HTR6: variants seen among roughly 807,000 people sequenced by gnomAD.
HTR6 encodes 5-hydroxytryptamine receptor 6, also known as 5-hydroxytryptamine (serotonin) receptor 6, G protein-coupled.
HTR6 carries 15 observed loss-of-function variants against 17.4 expected under a neutral mutation model. That is an observed-to-expected ratio of 0.86 (90% confidence interval 0.58 to 1.33). The LOEUF is 1.33. Ranked by LOEUF, HTR6 falls within the 40% of genes most tolerant of loss-of-function variation. The probability of loss-of-function intolerance (pLI) is 0.00; values close to 1 mark genes in which losing one functional copy is unlikely to be tolerated. For synonymous variants in HTR6, 326 were observed against 295.5 expected (o/e 1.10, Z -1.06); for missense variants, 578 against 616.0 (o/e 0.94, Z 0.65).
Position 19,664,921 on chromosome 1 carries a change from C to A in HTR6, c.-833C>A, listed in dbSNP as rs2095078934. On this transcript the variant is annotated 5_prime_UTR_variant, in exon 1 of 3. Coordinates refer to ENST00000289753, the MANE Select transcript of HTR6 (RefSeq NM_000871.3). The surrounding 1 kb of genome is among the most constrained non-coding windows in gnomAD (Gnocchi z 4.7). ...CGTGCGGGCCCCTCGCGGCGCCTCC[C>A]GGGCTCGGGAGACCCGGTCCCGCCG... Among the ~76,000 whole-genome samples, 1 of 149,820 alleles carries A rather than the reference C, an allele frequency of 6.7e-6. No homozygotes were observed. The highest frequency in any genetic ancestry group is 1.5e-5 in the Non-Finnish European group (1 of 67,136).
chr1:19,674,402 T>TTC (rs1329010986), intron 1 of HTR6, among the ~76,000 whole-genome samples: 110 of 148,328 alleles, frequency 7.4e-4, no homozygotes, highest in Middle Eastern at 3.6e-3. Context: ...TAAGCCACTC[T>TTC]TCTCTTTTTT....
At chr1:19,667,556 C>T (rs1028490573) in intron 1 of HTR6, among the ~76,000 whole-genome samples, 6 of 152,132 alleles carry the variant, frequency 3.9e-5, no homozygotes, top group African/African-American at 1.2e-4. Flanking sequence ...GCTGGGATTA[C>T]AGGCACCCAC....
intron 1 of HTR6, among the ~76,000 whole-genome samples, chr1:19,675,755 C>A (rs2095093650): frequency 6.6e-6 from 1 of 152,084 alleles, no homozygotes; most frequent in African/African-American, 2.4e-5. Flanking sequence ...TCCATGCCGT[C>A]TATTCCCATT....
intron 1 of HTR6, among the ~76,000 whole-genome samples, chr1:19,671,242 G>GA (rs2095087603): frequency 6.6e-6 from 1 of 152,196 alleles, no homozygotes; most frequent in African/African-American, 2.4e-5. Flanking sequence ...GTGAAAGGCT[G>GA]GAGGGGTCTT....
At chr1:19,672,223 C>G (rs1206979884) in intron 1 of HTR6, among the ~76,000 whole-genome samples, 1 of 151,984 alleles carries the variant, frequency 6.6e-6, no homozygotes, top group Non-Finnish European at 1.5e-5. Flanking sequence ...CCACTCCCAT[C>G]CATCCTTCTC....
At chr1:19,669,260 A>G (rs1479026578) in intron 1 of HTR6, among the ~76,000 whole-genome samples, 1 of 152,096 alleles carries the variant, frequency 6.6e-6, no homozygotes, top group Non-Finnish European at 1.5e-5. Flanking sequence ...CTAGGATTGA[A>G]CCTGAGTCTG....
rs2095100094 is a variant in HTR6, at chr1:19,680,179, G to C, written c.*811G>C. Among the ~76,000 whole-genome samples the C allele has an allele frequency of 6.6e-6, 1 of 152,232 alleles. No individual in the cohort carries two copies. Among genetic ancestry groups the C allele is most frequent in the African/African-American group, 2.4e-5 (1 of 41,458 alleles). On this transcript the variant is annotated 3_prime_UTR_variant, in exon 3 of 3. Transcript: ENST00000289753. Reference sequence around the variant, plus strand: ...GTTGTCTTGAGAATTAAGACAATGTGTGCCCAGCACCCAGTACACGGTCAG... The same window carrying C: ...GTTGTCTTGAGAATTAAGACAATGTCTGCCCAGCACCCAGTACACGGTCAG...
In HTR6 at chr1:19,666,184, T is replaced by C; in HGVS notation, c.431T>C (p.Leu144Pro). 6.2e-7 allele frequency: 1 copy of C among 1,610,668 alleles called. No individual in the cohort carries two copies. Residue 144 changes from leucine to proline, a missense_variant, in exon 1 of 3, where the codon CTG becomes CCG. Leu to Pro is a moderately conservative substitution (Grantham distance 98, BLOSUM62 -3). Coordinates refer to ENST00000289753, the MANE Select transcript of HTR6 (RefSeq NM_000871.3). The surrounding 1 kb of genome is among the most constrained non-coding windows in gnomAD (Gnocchi z 4.5). ...CTGCGCATGACGCCCCTGCGTGCCCTGGCCCTAGTCCTGGGCGCCTGGAGC... is the reference window on the plus strand; with the variant it reads ...CTGCGCATGACGCCCCTGCGTGCCCCGGCCCTAGTCCTGGGCGCCTGGAGC... Reference protein sequence around the residue: ...YKLRMTPLRALALVLGAWSLA... With the variant: ...YKLRMTPLRAPALVLGAWSLA...
intron 1 of HTR6, among the ~76,000 whole-genome samples, chr1:19,667,857 C>G (rs374644003): frequency 2.0e-5 from 3 of 152,296 alleles, no homozygotes; most frequent in South Asian, 4.1e-4. Context: ...TGACTTAGGT[C>G]GCAGGTCTTG....
rs1459483144 is a variant in HTR6 at position 19,666,284 on chromosome 1, T to C, written c.531T>C (p.Pro177=). 3.7e-6 allele frequency: 6 copies of C among 1,611,920 alleles called. No individual in the cohort carries two copies. The highest frequency in any genetic ancestry group is 1.6e-4 in the Middle Eastern group (1 of 6,076). The change falls in exon 1 of 3, where the codon CCT becomes CCC. Residue 177 remains proline (P), a synonymous_variant. Transcript: ENST00000289753. This position sits in a 1 kb window ranked among gnomAD's most constrained non-coding sequence, Gnocchi z 4.5. The part of the protein sequence containing the change: ...HELGHARPPV[P]GQCRLLASLP... ...TGGGCCACGCACGGCCACCCGTCCCTGGCCAGTGCCGCCTGCTGGCCAGCC... is the reference window on the plus strand; with the variant it reads ...TGGGCCACGCACGGCCACCCGTCCCCGGCCAGTGCCGCCTGCTGGCCAGCC...
chr1:19,667,283 C>T (rs2095082718), intron 1 of HTR6, among the ~76,000 whole-genome samples: 1 of 152,164 alleles, frequency 6.6e-6, no homozygotes, highest in South Asian at 2.1e-4. Flanking sequence ...GGCCCATCTG[C>T]ACTCTCCATC....
rs1177573342 is a variant in HTR6 at position 19,680,485 on chromosome 1, A to T, written c.*1117A>T. Among the ~76,000 whole-genome samples, 2 of 152,212 alleles carry T rather than the reference A, an allele frequency of 1.3e-5. No homozygotes were observed. Among genetic ancestry groups the T allele is most frequent in the Non-Finnish European group, 2.9e-5 (2 of 68,044 alleles). On this transcript the variant is annotated 3_prime_UTR_variant, in exon 3 of 3. Coordinates refer to ENST00000289753, the MANE Select transcript of HTR6 (RefSeq NM_000871.3). ...AGGTGGCAGTTTCTTTTTCAGCCTC[A>T]GAACTGGTTTTCCTCAATCCTGGGG...
In HTR6 at chr1:19,679,162, C is replaced by T. The variant is rs762398493; in HGVS notation, c.1117C>T (p.Pro373Ser). 5 of 1,598,170 alleles carry T rather than the reference C, an allele frequency of 3.1e-6. No individual in the cohort carries two copies. Among genetic ancestry groups the T allele is most frequent in the South Asian group, 2.2e-5 (2 of 89,914 alleles). ...GLSLQQVLPL[P>S]LPPDSDSDSD... ...TAGCCTACAGCAGGTGCTGCCGCTG[C>T]CCCTGCCGCCGGACTCAGATTCGGA... Residue 373 changes from proline to serine, a missense_variant, in exon 3 of 3, where the codon CCC (proline) becomes TCC (serine). Coordinates refer to ENST00000289753, the MANE Select transcript of HTR6 (RefSeq NM_000871.3). The surrounding 1 kb of genome is among the most constrained non-coding windows in gnomAD (Gnocchi z 4.9).
rs754585160 is a variant in HTR6 at position 19,680,318 on chromosome 1, C to G, written c.*950C>G. On this transcript the variant is annotated 3_prime_UTR_variant, in exon 3 of 3. Transcript: ENST00000289753. ...TTGTTCTCTTTCCATTTGCCTCCCC[C>G]TCTTCAGCCCTGGCCTAGCCTCCCA... Among the ~76,000 whole-genome samples the G allele has an allele frequency of 6.6e-6, 1 of 152,236 alleles. No homozygotes were observed. Among genetic ancestry groups the G allele is most frequent in the African/African-American group, 2.4e-5 (1 of 41,458 alleles).
chr1:19,678,089 C>T (rs2095096593), intron 1 of HTR6, among the ~76,000 whole-genome samples: 1 of 152,162 alleles, frequency 6.6e-6, no homozygotes, highest in South Asian at 2.1e-4. Context: ...GTGCTGGGCT[C>T]ATTGTAATGT....
At position 19,669,792 on chromosome 1, in the gene HTR6, C is replaced by G. The variant is rs867997066; in HGVS notation, c.714+3325C>G. 2.0e-5 allele frequency among the ~76,000 whole-genome samples: 3 copies of G among 152,162 alleles called. No individual in the cohort carries two copies. The South Asian group carries it at 6.2e-4, about 32-fold the overall frequency. On this transcript the variant is annotated intron_variant, in intron 1 of 2. Transcript: ENST00000289753. ...GGCTGCTTACAGGCACGTGCTGCCA[C>G]GCCCAGCTAATTTTTGTATTTTTAG...
At chr1:19,667,210 C>A (rs557172879) in intron 1 of HTR6, among the ~76,000 whole-genome samples, 21 of 152,220 alleles carry the variant, frequency 1.4e-4, no homozygotes, top group Admixed American at 1.2e-3. Flanking sequence ...GTTCCCTGTG[C>A]CTGGAATGTT....
At chr1:19,668,081 G>C (rs931665696) in intron 1 of HTR6, among the ~76,000 whole-genome samples, 1 of 152,236 alleles carries the variant, frequency 6.6e-6, no homozygotes, top group African/African-American at 2.4e-5. Flanking sequence ...GGTGGGGGCA[G>C]GGCCCCACAT....
Position 19,679,265 on chromosome 1 carries a change from A to G in HTR6, c.1220A>G (p.Asp407Gly), listed in dbSNP as rs781589711. ...CTGCTTCCTGGCGAGGCCACCCAGG[A>G]CCCCCCGCTGCCCACCAGGGCCGCT... is the stretch of plus-strand genomic sequence containing the variant. Reference protein sequence around the residue: ...QLLLPGEATQDPPLPTRAAAA... With the variant: ...QLLLPGEATQGPPLPTRAAAA... The change falls in exon 3 of 3, where the codon GAC becomes GGC. Residue 407 changes from aspartate to glycine, a missense_variant. Physicochemically the swap from Asp to Gly is moderately conservative, Grantham distance 94. Coordinates refer to ENST00000289753, the MANE Select transcript of HTR6 (RefSeq NM_000871.3). The surrounding 1 kb of genome is among the most constrained non-coding windows in gnomAD (Gnocchi z 4.9). 2 of 1,600,010 alleles carry G rather than the reference A, an allele frequency of 1.2e-6. No homozygotes were observed. The highest frequency in any genetic ancestry group is 1.1e-5 in the South Asian group (1 of 89,278).
Sources: allele counts gnomAD v4.1 joint callset (sites outside exome capture counted in the v4.1 genomes callset), GRCh38; gene constraint gnomAD v4.1.1; non-coding constraint Gnocchi (gnomAD v3.1); transcripts MANE v1.5; gene names NCBI Gene and HGNC (gene_info 2026-07-23, HGNC 2026-07-21).